Variants in NUBPL observed in about 807,000 individuals in gnomAD.
NUBPL encodes NUBP iron-sulfur cluster assembly factor, mitochondrial.
In NUBPL, 31 loss-of-function variants were observed where a neutral mutation model predicts 45.7. That is an observed-to-expected ratio of 0.68 (90% CI 0.51 to 0.92). The LOEUF (loss-of-function observed/expected upper bound fraction) is 0.92. NUBPL is among the 40% of genes least tolerant of loss of function. The pLI, the probability that NUBPL is intolerant of heterozygous loss-of-function variation, is 0.00. For missense variants in NUBPL, 401 were observed against 398.7 expected (o/e 1.01, Z -0.05); for synonymous variants, 144 against 140.9 (o/e 1.02, Z -0.15).
chr14:31,792,181 T>G (rs571960819), intron 7 of NUBPL, among the ~76,000 whole-genome samples: 2 of 152,334 alleles, frequency 1.3e-5, no homozygotes, highest in East Asian at 3.9e-4. Flanking sequence ...AGTTTAGCCC[T>G]AATCCATTAA....
intron 6 of NUBPL, among the ~76,000 whole-genome samples, chr14:31,735,137 C>T (rs2038137845): frequency 6.6e-6 from 1 of 152,150 alleles, no homozygotes; most frequent in African/African-American, 2.4e-5. Context: ...GTAGACGTTA[C>T]CAAATGTCCT....
chr14:31,611,351 A>G (rs2034752400), intron 4 of NUBPL, among the ~76,000 whole-genome samples: 1 of 152,196 alleles, frequency 6.6e-6, no homozygotes, highest in African/African-American at 2.4e-5. Flanking sequence ...TTAAATACTT[A>G]GGAATTAACC....
At chr14:31,671,003 G>C (rs1281493005) in intron 4 of NUBPL, among the ~76,000 whole-genome samples, 1 of 152,100 alleles carries the variant, frequency 6.6e-6, no homozygotes, top group Admixed American at 6.6e-5. Flanking sequence ...TTCTAGTTCT[G>C]TGAAGAATGT....
At chr14:31,767,401 T>C (rs1476411244) in intron 6 of NUBPL, among the ~76,000 whole-genome samples, 1 of 151,994 alleles carries the variant, frequency 6.6e-6, no homozygotes, top group Non-Finnish European at 1.5e-5. Context: ...GACAGGCTAC[T>C]AAACACCATC....
chr14:31,590,807 G>A (rs759468188), intron 3 of NUBPL, among the ~76,000 whole-genome samples: 3 of 152,076 alleles, frequency 2.0e-5, no homozygotes, highest in Non-Finnish European at 4.4e-5. Flanking sequence ...ACTACATGGT[G>A]GTAGAAGGCG....
chr14:31,823,482 T>G (rs1353615091), intron 7 of NUBPL, among the ~76,000 whole-genome samples: 2 of 152,054 alleles, frequency 1.3e-5, no homozygotes, highest in Admixed American at 1.3e-4. Flanking sequence ...AGGAGAAGAT[T>G]TGGAGGAAAT....
intron 6 of NUBPL, among the ~76,000 whole-genome samples, chr14:31,705,853 C>T (rs940371358): frequency 1.1e-4 from 17 of 152,316 alleles, no homozygotes; most frequent in African/African-American, 3.1e-4. Context: ...GCACATCCCC[C>T]GATCAAGCCC....
intron 3 of NUBPL, among the ~76,000 whole-genome samples, chr14:31,586,309 G>A (rs2033995328): frequency 6.6e-6 from 1 of 152,140 alleles, no homozygotes; most frequent in African/African-American, 2.4e-5. Flanking sequence ...GGTATAAATA[G>A]TATATTAATA....
chr14:31,838,118 A>T (rs1406736826), intron 8 of NUBPL, among the ~76,000 whole-genome samples: 1 of 152,058 alleles, frequency 6.6e-6, no homozygotes, highest in African/African-American at 2.4e-5. Flanking sequence ...CATTCATCAT[A>T]TTTGCTAAAA....
intron 10 of NUBPL, among the ~76,000 whole-genome samples, chr14:31,856,956 C>T (rs1173805015): frequency 6.6e-6 from 1 of 152,178 alleles, no homozygotes; most frequent in Non-Finnish European, 1.5e-5. Flanking sequence ...TGACTGTCTT[C>T]TCACAACTCC....
intron 7 of NUBPL, among the ~76,000 whole-genome samples, chr14:31,802,023 A>G (rs1199867569): frequency 6.6e-6 from 1 of 152,228 alleles, no homozygotes; most frequent in Admixed American, 6.5e-5. Flanking sequence ...ACAAAAGTTC[A>G]TGTGTTAGAA....
chr14:31,754,058 G>T (rs8003208), intron 6 of NUBPL, among the ~76,000 whole-genome samples: 151,559 of 152,270 alleles, frequency 1, 75,430 homozygotes, highest in Middle Eastern at 1. Flanking sequence ...TATTAAAACA[G>T]CATGTTGTAC....
rs189039353 is a variant in NUBPL at position 31,601,075 on chromosome 14, G to A, written c.382+1696G>A. 9.9e-3 allele frequency among the ~76,000 whole-genome samples: 1,510 copies of A among 152,144 alleles called. 103 individuals are homozygous for A. Among genetic ancestry groups the A allele is most frequent in the Admixed American group, 0.089 (1,352 of 15,252 alleles). ...GATCAGATAGTCGTAGATATGCGGCGTTATTTCTGAGGGCTCTGTTCTGTT... is the reference window on the plus strand; with the variant it reads ...GATCAGATAGTCGTAGATATGCGGCATTATTTCTGAGGGCTCTGTTCTGTT... On this transcript the variant is annotated intron_variant, in intron 4 of 10. Transcript: ENST00000281081.
intron 6 of NUBPL, among the ~76,000 whole-genome samples, chr14:31,715,378 A>G (rs1044541852): frequency 2.6e-5 from 4 of 152,142 alleles, no homozygotes; most frequent in Non-Finnish European, 4.4e-5. Flanking sequence ...CAACATGGAT[A>G]TTTTCTGAGA....
At chr14:31,593,513 C>CAAAAA (rs34026301) in intron 3 of NUBPL, among the ~76,000 whole-genome samples, 4 of 75,192 alleles carry the variant, frequency 5.3e-5, no homozygotes, top group Non-Finnish European at 6.7e-5. Flanking sequence ...GCTTCCGTCT[C>CAAAAA]AAAAAAAAAA....
chr14:31,788,346 T>C (rs2039321854), intron 7 of NUBPL, among the ~76,000 whole-genome samples: 1 of 151,064 alleles, frequency 6.6e-6, no homozygotes, highest in South Asian at 2.1e-4. Flanking sequence ...GCAGTTTTCA[T>C]TGTGTTGGAC....
intron 6 of NUBPL, among the ~76,000 whole-genome samples, chr14:31,756,258 A>G (rs79369002): frequency 1 from 151,649 of 152,280 alleles, 75,514 homozygotes; most frequent in Middle Eastern, 1. Flanking sequence ...TAGCTTGATG[A>G]GGATGGCATT....
chr14:31,639,728 G>A (rs1242855716), intron 4 of NUBPL, among the ~76,000 whole-genome samples: 2 of 152,210 alleles, frequency 1.3e-5, no homozygotes, highest in Non-Finnish European at 2.9e-5. Context: ...AGCTGTGGTG[G>A]GCTCCACCCA....
intron 6 of NUBPL, among the ~76,000 whole-genome samples, chr14:31,743,843 A>T (rs1170585757): frequency 6.6e-6 from 1 of 152,172 alleles, no homozygotes; most frequent in African/African-American, 2.4e-5. Flanking sequence ...AGAAATAAGG[A>T]CGAAGTATTC....
Sources: gnomAD v4.1 joint callset for allele counts (sites outside exome capture counted in the v4.1 genomes callset) on GRCh38, gnomAD v4.1.1 for gene constraint, MANE v1.5 for transcripts, NCBI Gene and HGNC (gene_info 2026-07-23, HGNC 2026-07-21) for gene names.